Variants in TRERF1 observed in about 807,000 individuals in gnomAD.
The protein encoded by TRERF1 is transcriptional-regulating factor 1.
Under a neutral mutation model 122.9 loss-of-function variants are expected in TRERF1, and 27 were observed. That is an observed-to-expected ratio of 0.22 (90% confidence interval 0.16 to 0.30). The LOEUF is 0.30. TRERF1 is among the 10% of genes least tolerant of loss of function. The pLI is 1.00. For missense variants in TRERF1, 1,248 were observed against 1,560.3 expected (o/e 0.80, Z 3.37); for synonymous variants, 636 against 641.7 (o/e 0.99, Z 0.13).
At chr6:42,441,294 G>A (rs943062086) in intron 2 of TRERF1, among the ~76,000 whole-genome samples, 1 of 152,108 alleles carries the variant, frequency 6.6e-6, no homozygotes, top group Non-Finnish European at 1.5e-5. Context: ...ACATCACCCC[G>A]CCTCTATCAG....
At chr6:42,235,575 T>C (rs1172787026) in intron 16 of TRERF1, among the ~76,000 whole-genome samples, 1 of 152,238 alleles carries the variant, frequency 6.6e-6, no homozygotes, top group African/African-American at 2.4e-5. Context: ...TAGTAGCCTC[T>C]GTATTTACAC....
intron 2 of TRERF1, among the ~76,000 whole-genome samples, chr6:42,377,335 T>C (rs1451952331): frequency 6.6e-6 from 1 of 152,182 alleles, no homozygotes; most frequent in Non-Finnish European, 1.5e-5. Context: ...AGTCACTCTC[T>C]TTTCCTCTCT....
chr6:42,237,319 G>A (rs1030319157), intron 15 of TRERF1, among the ~76,000 whole-genome samples: 4 of 152,148 alleles, frequency 2.6e-5, no homozygotes, highest in Non-Finnish European at 5.9e-5. Flanking sequence ...CAACGATCCA[G>A]GAGGCTCTCA....
intron 15 of TRERF1, among the ~76,000 whole-genome samples, chr6:42,241,143 C>A (rs1773605238): frequency 6.6e-6 from 1 of 152,140 alleles, no homozygotes; most frequent in African/African-American, 2.4e-5. Flanking sequence ...CTTGGCCTCC[C>A]AAAGTGCTGG....
exon 15 of TRERF1, chr6:42,243,249 A>G (rs764485879): frequency 6.2e-7 from 1 of 1,613,538 alleles, no homozygotes; most frequent in African/African-American, 1.3e-5. Flanking sequence ...TTCACTCACC[A>G]CACAATCGTC....
intron 4 of TRERF1, among the ~76,000 whole-genome samples, chr6:42,295,893 C>T (rs997196189): frequency 7.9e-5 from 12 of 152,074 alleles, no homozygotes; most frequent in African/African-American, 2.4e-4. Flanking sequence ...AATCAGGAAA[C>T]GACACATGTC....
At chr6:42,317,098 C>T (rs907950896) in intron 3 of TRERF1, among the ~76,000 whole-genome samples, 3 of 152,126 alleles carry the variant, frequency 2.0e-5, no homozygotes, top group Non-Finnish European at 4.4e-5. Context: ...CCTACGATTT[C>T]AACCTTCACC....
intron 13 of TRERF1, among the ~76,000 whole-genome samples, chr6:42,252,231 A>G (rs1775961711): frequency 6.6e-6 from 1 of 152,234 alleles, no homozygotes; most frequent in Non-Finnish European, 1.5e-5. Flanking sequence ...CCCATAGCAC[A>G]TCTCTCCTGG....
chr6:42,229,725 A>C (rs36036867), intron 17 of TRERF1, among the ~76,000 whole-genome samples: 9,177 of 152,290 alleles, frequency 0.06, 351 homozygotes, highest in Middle Eastern at 0.085. Context: ...CTCTTCGCCA[A>C]GCAAGGAATT....
At chr6:42,376,143 C>T (rs892210500) in intron 2 of TRERF1, among the ~76,000 whole-genome samples, 6 of 152,134 alleles carry the variant, frequency 3.9e-5, no homozygotes, top group Non-Finnish European at 7.4e-5. Context: ...GCCTGGCCAC[C>T]CCCAGTTCCA....
Position 42,242,808 on chromosome 6 carries a change from G to C in TRERF1, c.2859+440C>G, listed in dbSNP as rs543751880. Among the ~76,000 whole-genome samples, 5 of 152,338 alleles carry C rather than the reference G, an allele frequency of 3.3e-5. No individual in the cohort carries two copies. In the East Asian group the frequency reaches 9.6e-4, roughly 29 times the overall value. On this transcript the variant is annotated intron_variant, in intron 15 of 17. Coordinates refer to ENST00000372922, the Ensembl canonical transcript of TRERF1. ...CTACCTAGAGGTCAAAGCTCCTCTT[G>C]CTCATGCTTTACAGACTGTGGCAAA...
chr6:42,251,096 A>AGG (rs1775723772), intron 13 of TRERF1, among the ~76,000 whole-genome samples: 1 of 141,852 alleles, frequency 7.0e-6, no homozygotes, highest in Non-Finnish European at 1.5e-5. Context: ...TCTTGGGTTC[A>AGG]GGCAACTCTC....
intron 3 of TRERF1, among the ~76,000 whole-genome samples, chr6:42,316,091 C>A (rs1762446533): frequency 6.6e-6 from 1 of 152,168 alleles, no homozygotes; most frequent in African/African-American, 2.4e-5. Context: ...GCTAATGGGT[C>A]TACACAAATG....
chr6:42,287,022 C>T (rs1191614877), intron 4 of TRERF1, among the ~76,000 whole-genome samples: 1 of 146,322 alleles, frequency 6.8e-6, no homozygotes, highest in Non-Finnish European at 1.5e-5. Flanking sequence ...AATCATCATT[C>T]TCAGTAAACT....
chr6:42,343,083 A>G (rs1767595828), intron 3 of TRERF1, among the ~76,000 whole-genome samples: 2 of 151,964 alleles, frequency 1.3e-5, no homozygotes, highest in Non-Finnish European at 2.9e-5. Context: ...CCCTGATGCC[A>G]TTTCTGAGCC....
At chr6:42,445,591 CTAAAA>C (rs150666917) in intron 2 of TRERF1, among the ~76,000 whole-genome samples, 9,164 of 152,098 alleles carry the variant, frequency 0.06, 504 homozygotes, top group African/African-American at 0.15. Flanking sequence ...GGTGCCCCAA[CTAAAA>C]TATCTTGATT....
chr6:42,384,311 T>C (rs955063549), intron 2 of TRERF1, among the ~76,000 whole-genome samples: 1 of 152,172 alleles, frequency 6.6e-6, no homozygotes, highest in Non-Finnish European at 1.5e-5. Context: ...GGAAAAAATG[T>C]TTTATAAGAA....
intron 2 of TRERF1, among the ~76,000 whole-genome samples, chr6:42,373,663 T>G: frequency 6.6e-6 from 1 of 150,836 alleles, no homozygotes; most frequent in East Asian, 2.0e-4. Context: ...TGAGACTCCG[T>G]CTAAAAAAAC....
At chr6:42,395,954 T>C (rs191685894) in intron 2 of TRERF1, among the ~76,000 whole-genome samples, 2 of 152,240 alleles carry the variant, frequency 1.3e-5, no homozygotes, top group South Asian at 2.1e-4. Context: ...CAACATGTGA[T>C]TCCAATTCCT....
Sources: allele counts gnomAD v4.1 joint callset (sites outside exome capture counted in the v4.1 genomes callset), GRCh38; gene constraint gnomAD v4.1.1; transcripts MANE v1.5; gene names NCBI Gene and HGNC (gene_info 2026-07-23, HGNC 2026-07-21).